The following CHERP variants were observed in gnomAD, a reference collection of about 807,000 sequenced individuals.
The protein encoded by CHERP is calcium homeostasis endoplasmic reticulum protein.
A neutral mutation model predicts 113.8 loss-of-function variants in CHERP; 8 were observed. That is an observed-to-expected ratio of 0.07 (90% CI 0.04 to 0.13). The LOEUF (loss-of-function observed/expected upper bound fraction) is 0.13, where lower values mean the gene tolerates loss of function less well. Among genes scored for constraint, CHERP ranks in the 10% least tolerant of loss-of-function variants. The probability of loss-of-function intolerance (pLI) is 1.00; values close to 1 mark genes in which losing one functional copy is unlikely to be tolerated. For synonymous variants in CHERP, 559 were observed against 524.5 expected (o/e 1.07, Z -0.90); for missense variants, 884 against 1,298.2 (o/e 0.68, Z 4.90).
rs1164769454 is a variant in CHERP at position 16,521,537 on chromosome 19, C to T, written c.2098G>A (p.Asp700Asn). The part of the protein sequence containing the change: ...VEAFYSPPSH[D>N]RPRNSEGWEQ... Reference sequence around the variant, plus strand: ...GCCCCTTACCTGTTCCTGGGCCTGTCGTGGGACGGGGGGCTGTAGAAGGCC... The same window carrying T: ...GCCCCTTACCTGTTCCTGGGCCTGTTGTGGGACGGGGGGCTGTAGAAGGCC... The change falls in exon 12 of 17, where the codon GAC becomes AAC. Residue 700 changes from aspartate to asparagine, a missense_variant. By Grantham distance (23) the Asp-to-Asn change is conservative. Coordinates refer to ENST00000546361, the MANE Select transcript of CHERP (RefSeq NM_006387.6). The T allele has an allele frequency of 6.3e-7, 1 of 1,597,474 alleles. No homozygotes were observed.
At chr19:16,538,191 A>C (rs980792028) in intron 2 of CHERP, among the ~76,000 whole-genome samples, 1 of 151,994 alleles carries the variant, frequency 6.6e-6, no homozygotes, top group Admixed American at 6.6e-5. Context: ...CTCCTCCCCA[A>C]GCCAGGCTCC....
chr19:16,519,252 C>A lies in CHERP; in HGVS notation c.2658G>T (p.Val886=), dbSNP rs1352536570. 1.2e-6 allele frequency: 2 copies of A among 1,614,090 alleles called. No homozygotes were observed. The highest frequency in any genetic ancestry group is 1.7e-6 in the Non-Finnish European group (2 of 1,180,030). Residue 886 remains valine, a synonymous_variant, in exon 17 of 17, where the codon GTG becomes GTT. Coordinates refer to ENST00000546361, the MANE Select transcript of CHERP (RefSeq NM_006387.6). The surrounding 1 kb of genome is among the most constrained non-coding windows in gnomAD (Gnocchi z 6.0). ...VRDKWDQYKG[V]GVALDDPYEN... is the part of the protein sequence containing the mutation. ...CATAGGGGTCATCCAGAGCCACGCC[C>A]ACGCCTTTATACTGGTCCCACTTAT...
At position 16,541,898 on chromosome 19, in the gene CHERP, C is replaced by T. The variant is rs761157431; in HGVS notation, c.171G>A (p.Lys57=). 3 of 1,613,446 alleles carry T rather than the reference C, an allele frequency of 1.9e-6. No homozygotes were observed. The highest frequency in any genetic ancestry group is 1.3e-5 in the African/African-American group (1 of 74,902). ...GCTGCTGCTCCAGCGCCAGCTTGCACTTGTAGTAACTGTAGAATTCGCCTC... is the reference window on the plus strand; with the variant it reads ...GCTGCTGCTCCAGCGCCAGCTTGCATTTGTAGTAACTGTAGAATTCGCCTC... ...LFGGEFYSYY[K]CKLALEQQQL... Residue 57 remains lysine (K), a synonymous_variant, in exon 2 of 17, where the codon AAG becomes AAA. Transcript: ENST00000546361.
intron 2 of CHERP, among the ~76,000 whole-genome samples, chr19:16,539,229 G>C (rs2085761266): frequency 6.8e-6 from 1 of 147,524 alleles, no homozygotes; most frequent in South Asian, 2.2e-4. Flanking sequence ...CTCACTGCAA[G>C]CTCTGCCTCC....
Position 16,535,907 on chromosome 19 carries a change from C to T in CHERP, c.200-271G>A, listed in dbSNP as rs957953723. 2.6e-5 allele frequency among the ~76,000 whole-genome samples: 4 copies of T among 152,208 alleles called. No homozygotes were observed. The highest frequency in any genetic ancestry group is 4.8e-5 in the African/African-American group (2 of 41,450). On this transcript the variant is annotated intron_variant, in intron 2 of 16. Transcript: ENST00000546361. The surrounding 1 kb of genome is among the most constrained non-coding windows in gnomAD (Gnocchi z 4.3). ...CCCCTGGCCGCTCTCTCGCCAGCAC[C>T]ATCCAGTCCTTGCGCAGTGTCCTTC...
Position 16,528,163 on chromosome 19 carries a change from G to A in CHERP, c.1222C>T (p.Pro408Ser). 6.2e-7 allele frequency: 1 copy of A among 1,613,316 alleles called. No individual in the cohort carries two copies. Among genetic ancestry groups the A allele is most frequent in the East Asian group, 2.2e-5 (1 of 44,860 alleles). The change falls in exon 9 of 17, where the codon CCC becomes TCC. Residue 408 changes from proline (P) to serine (S), a missense_variant. Pro to Ser is a moderately conservative substitution (Grantham distance 74). Coordinates refer to ENST00000546361, the MANE Select transcript of CHERP (RefSeq NM_006387.6). ...GGTGGGATCTGGTCGTGTGGCCCGG[G>A]GCCCCGGGGGCCGGCAGCTGCAGGA... ...QDPAAAGPRG[P>S]GPHDQIPPNK... is the part of the protein sequence containing the mutation.
chr19:16,523,585 T>G lies in CHERP; in HGVS notation c.1742-295A>C, dbSNP rs543057599. 2.0e-4 allele frequency among the ~76,000 whole-genome samples: 31 copies of G among 152,272 alleles called. 1 individual carries two copies. In the South Asian group the frequency reaches 6.4e-3, roughly 32 times the overall value. On this transcript the variant is annotated intron_variant, in intron 10 of 16. Transcript: ENST00000546361. This position sits in a 1 kb window ranked among gnomAD's most constrained non-coding sequence, Gnocchi z 4.0. ...GTTGTGACCCTCCGAATCCATACGC[T>G]GAGGTCCCAGCCCCCAGTAGCTCAG... is the stretch of plus-strand genomic sequence containing the variant.
At chr19:16,529,405 A>G (rs537378446) in intron 8 of CHERP, among the ~76,000 whole-genome samples, 1 of 152,020 alleles carries the variant, frequency 6.6e-6, no homozygotes, top group East Asian at 1.9e-4. Context: ...CCTTTCCTCT[A>G]TTTCTTTTCT....
rs776454183 is a variant in CHERP, at chr19:16,528,091, C to T, written c.1294G>A (p.Gly432Ser). 1 of 1,613,220 alleles carries T rather than the reference C, an allele frequency of 6.2e-7. No homozygotes were observed. The highest frequency in any genetic ancestry group is 1.1e-5 in the South Asian group (1 of 91,050). The stretch of plus-strand genomic sequence containing the variant: ...GTTCCAATCAATACCTGCTGCTGGC[C>T]CCAAGGAGCCACGGGGTGAGGCTGG... ...FDQPHPVAPW[G>S]QQQPPEQPPY... Residue 432 changes from glycine (G) to serine (S), a missense_variant, in exon 9 of 17, where the codon GGC (glycine) becomes AGC (serine). This residue lies in a region of CHERP where 464 missense variants were observed against 590.1 expected (regional missense o/e 0.79). Coordinates refer to ENST00000546361, the MANE Select transcript of CHERP (RefSeq NM_006387.6).
chr19:16,532,997 TGC>T lies in CHERP; in HGVS notation c.522+12_522+13del, dbSNP rs570511087. 1,184 of 1,560,864 alleles carry T rather than the reference TGC, an allele frequency of 7.6e-4. 4 individuals are homozygous for T. In the Middle Eastern group the frequency reaches 0.012, roughly 15 times the overall value. ...CAAGGGAAAGCTGGGCTCTGGGAAG[TGC>T]TGGCCCCTCACCGAGATGGCGTCCT... On this transcript the variant is annotated intron_variant, in intron 4 of 16. Transcript: ENST00000546361. The surrounding 1 kb of genome is among the most constrained non-coding windows in gnomAD (Gnocchi z 4.4).
chr19:16,529,678 C>T lies in CHERP; in HGVS notation c.1099G>A (p.Ala367Thr). The change falls in exon 8 of 17, where the codon GCC (alanine) becomes ACC (threonine). Residue 367 changes from alanine to threonine, a missense_variant. Physicochemically the swap from Ala to Thr is moderately conservative, Grantham distance 58. This residue lies in a region of CHERP where 464 missense variants were observed against 590.1 expected (regional missense o/e 0.79). Transcript: ENST00000546361. The part of the protein sequence containing the change: ...PPAPPPAPAP[A>T]PAIPPTTQPD... The stretch of plus-strand genomic sequence containing the variant: ...TGGGTGGTGGGCGGGATGGCAGGGG[C>T]AGGTGCTGGGGCCGGGGGTGGAGCA... 1 of 1,558,864 alleles carries T rather than the reference C, an allele frequency of 6.4e-7. No individual in the cohort carries two copies. Among genetic ancestry groups the T allele is most frequent in the South Asian group, 1.2e-5 (1 of 86,000 alleles).
At position 16,528,266 on chromosome 19, in the gene CHERP, G is replaced by C. The variant is rs752306508; in HGVS notation, c.1130-11C>G. 1.9e-6 allele frequency: 3 copies of C among 1,558,006 alleles called. No individual in the cohort carries two copies. The highest frequency in any genetic ancestry group is 2.7e-5 in the African/African-American group (2 of 72,964). On this transcript the variant is annotated splice_polypyrimidine_tract_variant and intron_variant, in intron 8 of 16. Transcript: ENST00000546361. ...GAGGCTTGCTGTCATCTAAATCCAA[G>C]TGACAGGCAGTTAGAGCAGGCCTGG...
chr19:16,530,980 C>A lies in CHERP; in HGVS notation c.675-100G>T, dbSNP rs73514905. 5 of 1,506,754 alleles carry A rather than the reference C, an allele frequency of 3.3e-6. No individual in the cohort carries two copies. The highest frequency in any genetic ancestry group is 4.4e-6 in the Non-Finnish European group (5 of 1,129,632). 93.3% of individuals were successfully genotyped at this position (1,506,754 alleles called of 1,614,324 possible). A position where few individuals can be genotyped will look rare whatever the true frequency, so the allele number is the denominator to read the frequency against. ...CCAGCCTCAGCGCCCTCTGCCTTCT[C>A]GGGAATCGGGTCCCCAACCCGGTCA... is the stretch of plus-strand genomic sequence containing the variant. On this transcript the variant is annotated intron_variant, in intron 5 of 16. Transcript: ENST00000546361. This position sits in a 1 kb window ranked among gnomAD's most constrained non-coding sequence, Gnocchi z 4.1.
Position 16,534,052 on chromosome 19 carries a change from C to CTT in CHERP, c.385-906_385-905dup, listed in dbSNP as rs200659711. Among the ~76,000 whole-genome samples, 26 of 133,834 alleles carry CTT rather than the reference C, an allele frequency of 1.9e-4. 2 individuals are homozygous for CTT. The highest frequency in any genetic ancestry group is 6.0e-4 in the East Asian group (3 of 4,986). 87.8% of individuals were successfully genotyped at this position (133,834 alleles called of 152,430 possible). On this transcript the variant is annotated intron_variant, in intron 3 of 16. Transcript: ENST00000546361. ...GGTGAGCATTCTGGAACTTTCTTTT[C>CTT]TTTTCTTTTTTTTTTTTTTGAGATG... is the stretch of plus-strand genomic sequence containing the variant.
rs1328146652 is a variant in CHERP at position 16,532,447 on chromosome 19, A to T, written c.674+151T>A. ...CCTGGAGACAGAAGCCTGGTGGCTC[A>T]CAGAGACCCCCCACCCGGGGTCCCC... On this transcript the variant is annotated intron_variant, in intron 5 of 16. Transcript: ENST00000546361. This position sits in a 1 kb window ranked among gnomAD's most constrained non-coding sequence, Gnocchi z 4.4. 74 of 931,368 alleles carry T rather than the reference A, an allele frequency of 7.9e-5. 1 individual carries two copies. Among genetic ancestry groups the T allele is most frequent in the Non-Finnish European group, 1.1e-4 (68 of 641,170 alleles). 57.7% of individuals were successfully genotyped at this position (931,368 alleles called of 1,614,324 possible).
In CHERP at chr19:16,520,826, C is replaced by T; in HGVS notation, c.2201G>A (p.Ser734Asn). 6.2e-7 allele frequency: 1 copy of T among 1,613,680 alleles called. No homozygotes were observed. Among genetic ancestry groups the T allele is most frequent in the Non-Finnish European group, 8.5e-7 (1 of 1,180,008 alleles). The stretch of plus-strand genomic sequence containing the variant: ...CCACTGCAGACATCTGCGCTTTTAC[C>T]TGTTCCTCTTCTCCTGGCCTTTCCT... ...RRRKGQEKRN[S>N]GPSRSRSRSK... The change falls in exon 13 of 17, where the codon AGC becomes AAC. Residue 734 changes from serine (S) to asparagine (N), a missense_variant and splice_region_variant. Physicochemically the swap from Ser to Asn is conservative, Grantham distance 46. Coordinates refer to ENST00000546361, the MANE Select transcript of CHERP (RefSeq NM_006387.6). The surrounding 1 kb of genome is among the most constrained non-coding windows in gnomAD (Gnocchi z 4.0).
rs1249323751 is a variant in CHERP at position 16,525,792 on chromosome 19, G to A, written c.1306-115C>T. On this transcript the variant is annotated intron_variant, in intron 9 of 16. Transcript: ENST00000546361. The surrounding 1 kb of genome is among the most constrained non-coding windows in gnomAD (Gnocchi z 6.5). Reference sequence around the variant, plus strand: ...CTCAGACCATGGAGGCGCTGCCCTGGCCACGTTGAGGCGCCTCCTACGCTG... The same window carrying A: ...CTCAGACCATGGAGGCGCTGCCCTGACCACGTTGAGGCGCCTCCTACGCTG... 1.2e-5 allele frequency: 12 copies of A among 1,001,298 alleles called. No individual in the cohort carries two copies. The highest frequency in any genetic ancestry group is 9.8e-5 in the South Asian group (5 of 51,138). The allele number at this position is 1,001,298 out of a possible 1,614,324, so 62.0% of individuals were successfully genotyped here. A position where few individuals can be genotyped will look rare whatever the true frequency, so the allele number is the denominator to read the frequency against.
chr19:16,540,872 A>G (rs1180386961), intron 2 of CHERP, among the ~76,000 whole-genome samples: 1 of 148,140 alleles, frequency 6.8e-6, no homozygotes, highest in East Asian at 2.0e-4. Flanking sequence ...TAATTTTTGT[A>G]TTTTTCGTAG....
intron 10 of CHERP, among the ~76,000 whole-genome samples, chr19:16,524,064 C>T (rs930936103): frequency 1.3e-5 from 2 of 151,996 alleles, no homozygotes; most frequent in African/African-American, 4.8e-5. Context: ...CCAGCCTGGC[C>T]AACATGGCGA....
Sources: gnomAD v4.1 joint callset for allele counts (sites outside exome capture counted in the v4.1 genomes callset) on GRCh38, gnomAD v4.1.1 for gene constraint, gnomAD v4.1.1 regional missense constraint, Gnocchi (gnomAD v3.1) non-coding constraint, MANE v1.5 for transcripts, NCBI Gene and HGNC (gene_info 2026-07-23, HGNC 2026-07-21) for gene names.